KCNH1: variants seen among roughly 807,000 people sequenced by gnomAD.
KCNH1 encodes the protein potassium voltage-gated channel subfamily H member 1.
KCNH1 carries 27 observed loss-of-function variants against 69.2 expected under a neutral mutation model. The observed-to-expected ratio is 0.39, with a 90% confidence interval of 0.29 to 0.54. The LOEUF is 0.54. Ranked by LOEUF, KCNH1 falls within the 20% of genes least tolerant of loss-of-function variation. KCNH1 has a pLI of 0.68. For missense variants in KCNH1, 798 were observed against 1,261.6 expected, an observed-to-expected ratio of 0.63 and a Z score of 5.57; for synonymous variants, 456 against 487.7, an observed-to-expected ratio of 0.93 and a Z score of 0.86.
At chr1:210,768,003 A>T (rs1045234642) in intron 10 of KCNH1, among the ~76,000 whole-genome samples, 1 of 152,152 alleles carries the variant, frequency 6.6e-6, no homozygotes, top group African/African-American at 2.4e-5. Context: ...TTCTTCACCA[A>T]ACCTCACTGA....
At chr1:210,909,520 C>T (rs1017188138) in intron 7 of KCNH1, among the ~76,000 whole-genome samples, 2 of 152,194 alleles carry the variant, frequency 1.3e-5, no homozygotes, top group African/African-American at 4.8e-5. Context: ...TCATTTATGC[C>T]ATTTAATTTG....
At chr1:211,123,847 G>A (rs747793721) in intron 1 of KCNH1, among the ~76,000 whole-genome samples, 6 of 152,050 alleles carry the variant, frequency 3.9e-5, no homozygotes, top group African/African-American at 1.4e-4. Context: ...AGGCCAGAGG[G>A]AGATACAAAA....
At position 210,678,429 on chromosome 1, in the gene KCNH1, G is replaced by A. The variant is rs865854781; in HGVS notation, c.*4852C>T. ...ATATCATCAATGGAAGGGCCTGCAC[G>A]TTCCTCTTAACATTCCCAAGCCACA... On this transcript the variant is annotated 3_prime_UTR_variant, in exon 11 of 11. Transcript: ENST00000271751. 2 of 152,078 alleles carry A rather than the reference G, an allele frequency of 1.3e-5. No individual in the cohort carries two copies. Among genetic ancestry groups the A allele is most frequent in the Non-Finnish European group, 2.9e-5 (2 of 68,014 alleles). The allele number at this position is 152,078 out of a possible 1,614,324, so 9.4% of individuals were successfully genotyped here. A position where few individuals can be genotyped will look rare whatever the true frequency, so the allele number is the denominator to read the frequency against.
intron 6 of KCNH1, among the ~76,000 whole-genome samples, chr1:210,938,895 C>A (rs1449378488): frequency 6.6e-6 from 1 of 152,142 alleles, no homozygotes; most frequent in Non-Finnish European, 1.5e-5. Context: ...TTCTAATTGG[C>A]TTTCTTGACT....
intron 1 of KCNH1, among the ~76,000 whole-genome samples, chr1:211,128,542 G>A (rs1444301459): frequency 6.6e-6 from 1 of 152,114 alleles, no homozygotes; most frequent in Non-Finnish European, 1.5e-5. Context: ...GGAGGAGAGT[G>A]AGGGACTTAG....
At chr1:210,953,252 C>T (rs1239458103) in intron 6 of KCNH1, among the ~76,000 whole-genome samples, 1 of 152,156 alleles carries the variant, frequency 6.6e-6, no homozygotes, top group Non-Finnish European at 1.5e-5. Flanking sequence ...TATTTTGCTC[C>T]CTCCAGGCAC....
intron 6 of KCNH1, among the ~76,000 whole-genome samples, chr1:210,996,244 G>A (rs1689033596): frequency 6.6e-6 from 1 of 152,136 alleles, no homozygotes; most frequent in African/African-American, 2.4e-5. Flanking sequence ...TCAAAGAAAG[G>A]GGTGACAGAC....
At position 211,055,378 on chromosome 1, in the gene KCNH1, C is replaced by A. The variant is rs1387758772; in HGVS notation, c.558+27402G>T. 2.6e-5 allele frequency among the ~76,000 whole-genome samples: 4 copies of A among 152,182 alleles called. No homozygotes were observed. The East Asian group carries it at 7.7e-4, about 29-fold the overall frequency. ...AGGGAGAATTCAGACCAGCCCCAAC[C>A]AGAGGCTAATCATTCATCCCAGTAG... On this transcript the variant is annotated intron_variant, in intron 5 of 10. Transcript: ENST00000271751.
At chr1:211,117,952 A>C (rs1178821518) in intron 1 of KCNH1, among the ~76,000 whole-genome samples, 6 of 152,144 alleles carry the variant, frequency 3.9e-5, no homozygotes, top group Non-Finnish European at 7.3e-5. Context: ...TAAATGCTGG[A>C]CTCTGTGCAG....
chr1:210,821,828 ATTTAT>A (rs1684935800), intron 7 of KCNH1, among the ~76,000 whole-genome samples: 2 of 150,690 alleles, frequency 1.3e-5, no homozygotes, highest in Non-Finnish European at 3.0e-5. Flanking sequence ...TTATTTATTT[ATTTAT>A]TTATTTATTT....
intron 7 of KCNH1, chr1:210,861,760 A>G: frequency 1.3e-6 from 1 of 774,134 alleles, no homozygotes; most frequent in Non-Finnish European, 2.4e-6. Context: ...AACTGACAGA[A>G]AATGCTGCAT....
intron 7 of KCNH1, among the ~76,000 whole-genome samples, chr1:210,866,530 CA>C (rs1686114653): frequency 6.6e-6 from 1 of 152,212 alleles, no homozygotes; most frequent in Admixed American, 6.5e-5. Context: ...CATCCCTAGT[CA>C]TACGGGAAAT....
intron 10 of KCNH1, among the ~76,000 whole-genome samples, chr1:210,746,671 C>T (rs1683169337): frequency 6.6e-6 from 1 of 152,112 alleles, no homozygotes; most frequent in Non-Finnish European, 1.5e-5. Flanking sequence ...CTTCAGCCTC[C>T]TGCGTAGCTG....
intron 10 of KCNH1, among the ~76,000 whole-genome samples, chr1:210,732,650 T>C (rs1682772647): frequency 1.3e-5 from 2 of 152,154 alleles, no homozygotes; most frequent in Admixed American, 6.5e-5. Flanking sequence ...ATAACAGCAA[T>C]ATATTGCTCA....
intron 5 of KCNH1, among the ~76,000 whole-genome samples, chr1:211,024,933 G>T (rs901001869): frequency 6.6e-6 from 1 of 152,158 alleles, no homozygotes; most frequent in African/African-American, 2.4e-5. Context: ...GTCCTACCTA[G>T]CAAGAGATGG....
chr1:211,040,098 G>A (rs575661569), intron 5 of KCNH1, among the ~76,000 whole-genome samples: 1 of 152,102 alleles, frequency 6.6e-6, no homozygotes, highest in South Asian at 2.1e-4. Context: ...GGCTGAGGCA[G>A]GAGAATGGCG....
chr1:210,961,219 C>T (rs781125676), intron 6 of KCNH1, among the ~76,000 whole-genome samples: 15 of 151,372 alleles, frequency 9.9e-5, no homozygotes, highest in South Asian at 2.1e-4. Context: ...CATATTTTGG[C>T]TAAAAGTTTT....
intron 5 of KCNH1, among the ~76,000 whole-genome samples, chr1:211,057,536 G>T (rs1690335353): frequency 6.6e-6 from 1 of 152,124 alleles, no homozygotes; most frequent in African/African-American, 2.4e-5. Flanking sequence ...TTACTTGGGA[G>T]GCTGAGGTGA....
At chr1:210,781,219 C>A (rs755336836) in intron 9 of KCNH1, among the ~76,000 whole-genome samples, 1 of 152,202 alleles carries the variant, frequency 6.6e-6, no homozygotes, top group Non-Finnish European at 1.5e-5. Flanking sequence ...ACCTTCCACA[C>A]TCTGTACACT....
Sources: gnomAD v4.1 joint callset for allele counts (sites outside exome capture counted in the v4.1 genomes callset) on GRCh38, gnomAD v4.1.1 for gene constraint, MANE v1.5 for transcripts, NCBI Gene and HGNC (gene_info 2026-07-23, HGNC 2026-07-21) for gene names.